The following POLN variants were observed in gnomAD, a reference collection of about 807,000 sequenced individuals.
The protein encoded by POLN is DNA polymerase nu.
In POLN, 108 loss-of-function variants were observed where a neutral mutation model predicts 113.5. The ratio of observed to expected loss-of-function variants is 0.95; its 90% CI spans 0.81 to 1.12. The LOEUF (loss-of-function observed/expected upper bound fraction) is 1.12. POLN is among the 50% of genes most tolerant of loss of function. The pLI is 0.00. For synonymous variants in POLN, 386 were observed against 391.5 expected (o/e 0.99, Z 0.17); for missense variants, 1,097 against 1,077.1 (o/e 1.02, Z -0.26).
chr4:2,238,635 T>C (rs1002588128), intron 2 of POLN: 26 of 1,607,192 alleles, frequency 1.6e-5, no homozygotes, highest in Non-Finnish European at 2.2e-5. Context: ...GTATCAATGG[T>C]ATTCCTTGGA....
chr4:2,156,015 A>G lies in POLN; in HGVS notation c.1731+773T>C, dbSNP rs181973490. ...ACGCCCAGCTAATTTTTGTGTTTTT[A>G]GTAGAGACGGGGTTTCACCATATTG... On this transcript the variant is annotated intron_variant, in intron 16 of 25. Coordinates refer to ENST00000511885, the MANE Select transcript of POLN (RefSeq NM_181808.4). Among the ~76,000 whole-genome samples the G allele has an allele frequency of 2.2e-3, 328 of 152,186 alleles. 1 individual carries two copies. The highest frequency in any genetic ancestry group is 7.5e-3 in the African/African-American group (310 of 41,532).
chr4:2,121,752 T>G (rs1731449064), intron 19 of POLN, among the ~76,000 whole-genome samples: 1 of 152,100 alleles, frequency 6.6e-6, no homozygotes, highest in Non-Finnish European at 1.5e-5. Context: ...TCATCCTTGT[T>G]AGAGTTTATC....
chr4:2,103,902 C>A (rs566102954), intron 19 of POLN, among the ~76,000 whole-genome samples: 1 of 152,252 alleles, frequency 6.6e-6, no homozygotes. Flanking sequence ...GAAATAAAGT[C>A]TTTCCCAGAC....
chr4:2,209,657 C>CTTTTTTTTT (rs1175117439), intron 4 of POLN, among the ~76,000 whole-genome samples: 7 of 108,408 alleles, frequency 6.5e-5, no homozygotes, highest in African/African-American at 1.2e-4. Context: ...TTTCCTTTTC[C>CTTTTTTTTT]TTTTTTTTTT....
chr4:2,113,381 TATA>T (rs555352060), intron 19 of POLN, among the ~76,000 whole-genome samples: 64 of 151,250 alleles, frequency 4.2e-4, no homozygotes, highest in African/African-American at 1.1e-3. Context: ...AAACTTAAAG[TATA>T]ATAATAATAA....
intron 13 of POLN, among the ~76,000 whole-genome samples, chr4:2,168,279 G>T (rs1732777513): frequency 6.6e-6 from 1 of 152,204 alleles, no homozygotes; most frequent in Admixed American, 6.5e-5. Flanking sequence ...GAGGAAAAGG[G>T]CAGGGAGGGG....
At chr4:2,232,755 C>T (rs965559260) in intron 2 of POLN, among the ~76,000 whole-genome samples, 1 of 152,166 alleles carries the variant, frequency 6.6e-6, no homozygotes, top group African/African-American at 2.4e-5. Context: ...ATATTTATTA[C>T]AGTAAATTCA....
At chr4:2,189,281 AC>A (rs1305845450) in intron 7 of POLN, among the ~76,000 whole-genome samples, 2 of 152,236 alleles carry the variant, frequency 1.3e-5, no homozygotes, top group African/African-American at 4.8e-5. Context: ...CTAGAAACCC[AC>A]TTTACTTATA....
At chr4:2,189,987 T>A (rs1016199966) in intron 7 of POLN, among the ~76,000 whole-genome samples, 8 of 140,232 alleles carry the variant, frequency 5.7e-5, no homozygotes, top group African/African-American at 2.1e-4. Context: ...ATCACGCCAC[T>A]GCAATCCAGC....
chr4:2,130,224 CAACA>C (rs1255502848), intron 17 of POLN, among the ~76,000 whole-genome samples: 38 of 145,140 alleles, frequency 2.6e-4, no homozygotes, highest in Non-Finnish European at 4.7e-4. Context: ...CCAGCCTGGG[CAACA>C]GAGCGAGACT....
chr4:2,225,367 C>T (rs1734357776), intron 3 of POLN, among the ~76,000 whole-genome samples: 1 of 151,840 alleles, frequency 6.6e-6, no homozygotes. Flanking sequence ...CCAACCTAAC[C>T]AACATGGCGA....
chr4:2,240,914 T>A (rs1249541649), intron 2 of POLN: 2 of 1,597,878 alleles, frequency 1.3e-6, no homozygotes, highest in South Asian at 1.1e-5. Context: ...CAATTTTTTT[T>A]AATGTTTCCA....
intron 21 of POLN, 130 bp downstream of exon 21, chr4:2,085,483 A>C (rs1560974372): frequency 6.8e-6 from 8 of 1,173,416 alleles, no homozygotes; most frequent in Non-Finnish European, 9.6e-6. Context: ...ATAAGAGCTG[A>C]GGATTCACCC....
intron 7 of POLN, among the ~76,000 whole-genome samples, chr4:2,186,740 G>C (rs1003125350): frequency 6.6e-6 from 1 of 152,152 alleles, no homozygotes; most frequent in Non-Finnish European, 1.5e-5. Flanking sequence ...TAGCAAGTGG[G>C]GAACCATGAC....
chr4:2,143,151 T>C (rs1310971165), intron 16 of POLN, among the ~76,000 whole-genome samples: 2 of 151,592 alleles, frequency 1.3e-5, no homozygotes, highest in African/African-American at 2.4e-5. Flanking sequence ...AAAGCAATAA[T>C]CTAGGCTTAT....
intron 20 of POLN, among the ~76,000 whole-genome samples, chr4:2,092,338 C>T (rs1384838189): frequency 1.3e-5 from 2 of 152,250 alleles, no homozygotes; most frequent in South Asian, 4.1e-4. Flanking sequence ...CAGATCAAGA[C>T]CCGAGGAGTC....
In POLN at chr4:2,170,778, C is replaced by T. The variant is rs375871299; in HGVS notation, c.1459-4G>A. ...GCTTTAACTTGCCAAAGAGGATCTT[C>T]AACAAAACAAATTAAACATGGTGAG... On this transcript the variant is annotated splice_polypyrimidine_tract_variant and splice_region_variant and intron_variant, in intron 12 of 25. Transcript: ENST00000511885. 6.2e-7 allele frequency: 1 copy of T among 1,611,086 alleles called. No individual in the cohort carries two copies. Among genetic ancestry groups the T allele is most frequent in the Non-Finnish European group, 8.5e-7 (1 of 1,177,454 alleles).
In POLN at chr4:2,131,160, G is replaced by A. The variant is rs138972855; in HGVS notation, c.1789+73C>T. The A allele has an allele frequency of 1.0e-5, 11 of 1,099,018 alleles. No individual in the cohort carries two copies. In the African/African-American group the frequency reaches 1.7e-4, roughly 17 times the overall value. 68.1% of individuals were successfully genotyped at this position (1,099,018 alleles called of 1,614,324 possible). A position where few individuals can be genotyped will look rare whatever the true frequency, so the allele number is the denominator to read the frequency against. Reference sequence around the variant, plus strand: ...TGATCGCACAAATGCACTCTAGCCTGGGTGACAGAGTGACACCCTATCTCA... The same window carrying A: ...TGATCGCACAAATGCACTCTAGCCTAGGTGACAGAGTGACACCCTATCTCA... On this transcript the variant is annotated intron_variant, in intron 17 of 25. Transcript: ENST00000511885.
chr4:2,128,268 A>C (rs1487215181), intron 18 of POLN, 41 bp from the exon 19 acceptor site: 1 of 1,373,490 alleles, frequency 7.3e-7, no homozygotes, highest in African/African-American at 1.4e-5. Flanking sequence ...GTTTGCCAGC[A>C]ATGTTCCTCG....
Sources: gnomAD v4.1 joint callset for allele counts (sites outside exome capture counted in the v4.1 genomes callset) on GRCh38, gnomAD v4.1.1 for gene constraint, MANE v1.5 for transcripts, NCBI Gene and HGNC (gene_info 2026-07-23, HGNC 2026-07-21) for gene names.